The following SMCHD1 variants were observed in gnomAD, a reference collection of about 807,000 sequenced individuals.
SMCHD1 encodes the protein structural maintenance of chromosomes flexible hinge domain containing 1, also known as structural maintenance of chromosomes flexible hinge domain-containing protein 1.
A neutral mutation model predicts 254.7 loss-of-function variants in SMCHD1; 78 were observed. That is an observed-to-expected ratio of 0.31 (90% CI 0.26 to 0.37). The LOEUF is 0.37. SMCHD1 is among the 10% of genes least tolerant of loss of function. SMCHD1 has a pLI of 1.00. For missense variants in SMCHD1, 1,840 were observed against 2,408.1 expected (o/e 0.76, Z 4.94); for synonymous variants, 766 against 794.9 (o/e 0.96, Z 0.61).
rs371339816 is a variant in SMCHD1 at position 2,747,602 on chromosome 18, G to A, written c.3882G>A (p.Pro1294=). The change falls in exon 30 of 48, where the codon CCG becomes CCA. Residue 1294 remains proline, a synonymous_variant. Transcript: ENST00000320876. ...GTGATCAGTGGGATAATCCAGCACCGGTACAACATGTTAAAATAAGTCTTA... is the reference window on the plus strand; with the variant it reads ...GTGATCAGTGGGATAATCCAGCACCAGTACAACATGTTAAAATAAGTCTTA... The part of the protein sequence containing the change: ...QLCDQWDNPA[P]VQHVKISLTK... The A allele has an allele frequency of 2.9e-5, 47 of 1,606,570 alleles. No individual in the cohort carries two copies. Among genetic ancestry groups the A allele is most frequent in the African/African-American group, 2.7e-4 (20 of 74,804 alleles).
Position 2,796,490 on chromosome 18 carries a change from A to C in SMCHD1, c.5962A>C (p.Arg1988=). 1.2e-6 allele frequency: 2 copies of C among 1,602,900 alleles called. No homozygotes were observed. The highest frequency in any genetic ancestry group is 1.7e-6 in the Non-Finnish European group (2 of 1,174,382). ...GACAGATTGTCCAGTTCCTCCTAAA[A>C]GAATGAGACGAGAAGCTACAAGACA... The part of the protein sequence containing the change: ...ETTDCPVPPK[R]MRREATRQNR... Residue 1988 remains arginine (R), a synonymous_variant, in exon 47 of 48, where the codon AGA becomes CGA. Transcript: ENST00000320876.
chr18:2,762,492 C>CTTTTT (rs10708453), intron 36 of SMCHD1, among the ~76,000 whole-genome samples: 5 of 126,838 alleles, frequency 3.9e-5, no homozygotes, highest in African/African-American at 8.6e-5. Context: ...ATCTGCCTAC[C>CTTTTT]TTTTTTTTTT....
chr18:2,770,154 A>G (rs759638350), intron 39 of SMCHD1, 46 bp downstream of exon 39: 2 of 1,576,656 alleles, frequency 1.3e-6, no homozygotes, highest in Admixed American at 1.9e-5. Flanking sequence ...TTGGGGAATG[A>G]TGAGGCAGGT....
chr18:2,682,521 T>C (rs760995502), intron 5 of SMCHD1, among the ~76,000 whole-genome samples: 3 of 152,086 alleles, frequency 2.0e-5, no homozygotes, highest in African/African-American at 4.8e-5. Flanking sequence ...GAGGTTTCAC[T>C]ATGTTGGCCA....
chr18:2,718,140 C>G lies in SMCHD1; in HGVS notation c.2261-18C>G, dbSNP rs759283996. Reference sequence around the variant, plus strand: ...TGAATTTCTCAAGACACTATTGTTTCTTTTTTCTTTTATTAAGCTTCAAGT... The same window carrying G: ...TGAATTTCTCAAGACACTATTGTTTGTTTTTTCTTTTATTAAGCTTCAAGT... On this transcript the variant is annotated intron_variant, in intron 17 of 47. Transcript: ENST00000320876. This position sits in a 1 kb window ranked among gnomAD's most constrained non-coding sequence, Gnocchi z 4.6. 89 of 1,577,912 alleles carry G rather than the reference C, an allele frequency of 5.6e-5. No homozygotes were observed. Among genetic ancestry groups the G allele is most frequent in the Non-Finnish European group, 7.4e-5 (85 of 1,155,400 alleles).
chr18:2,712,828 A>G (rs1172867860), intron 17 of SMCHD1, among the ~76,000 whole-genome samples: 2 of 152,148 alleles, frequency 1.3e-5, no homozygotes, highest in African/African-American at 4.8e-5. Flanking sequence ...CACCTGTTTT[A>G]TATTATTTCA....
Position 2,797,385 on chromosome 18 carries a change from G to A in SMCHD1, c.5993+864G>A, listed in dbSNP as rs78766861. On this transcript the variant is annotated intron_variant, in intron 47 of 47. Coordinates refer to ENST00000320876, the MANE Select transcript of SMCHD1 (RefSeq NM_015295.3). ...TGTTTCTCTTTTATTATTTCAAAAG[G>A]TTTAATTGTAGACTCTACCTGAATA... 7.2e-3 allele frequency among the ~76,000 whole-genome samples: 1,090 copies of A among 152,252 alleles called. 14 individuals carry two copies. The highest frequency in any genetic ancestry group is 0.021 in the African/African-American group (869 of 41,532).
At chr18:2,699,996 A>G (rs2074366415) in intron 10 of SMCHD1, among the ~76,000 whole-genome samples, 1 of 152,232 alleles carries the variant, frequency 6.6e-6, no homozygotes, top group Non-Finnish European at 1.5e-5. Flanking sequence ...AATGCTCTTG[A>G]TGCATAGTAA....
intron 23 of SMCHD1, 42 bp downstream of exon 23, chr18:2,728,638 T>C: frequency 2.5e-6 from 4 of 1,587,480 alleles, no homozygotes; most frequent in Non-Finnish European, 3.4e-6. Context: ...CCCATTGTAG[T>C]AAGTGGCAAT....
chr18:2,701,970 A>G (rs967526989), intron 12 of SMCHD1, among the ~76,000 whole-genome samples: 3 of 152,050 alleles, frequency 2.0e-5, no homozygotes, highest in African/African-American at 7.2e-5. Context: ...GACACTTTTA[A>G]GAATTATACA....
At chr18:2,729,641 A>C (rs1478961894) in intron 24 of SMCHD1, among the ~76,000 whole-genome samples, 1 of 152,022 alleles carries the variant, frequency 6.6e-6, no homozygotes, top group Non-Finnish European at 1.5e-5. Context: ...TAGTGTCTAT[A>C]ACTATTATTG....
chr18:2,803,968 C>T lies in SMCHD1; in HGVS notation c.*1416C>T, dbSNP rs2076407607. On this transcript the variant is annotated 3_prime_UTR_variant, in exon 48 of 48. Transcript: ENST00000320876. Reference sequence around the variant, plus strand: ...ATTGGAAATGCTTCAATGAGCATTTCCCTTATGTGTCATATCTGCGCTCAA... The same window carrying T: ...ATTGGAAATGCTTCAATGAGCATTTTCCTTATGTGTCATATCTGCGCTCAA... 6.6e-6 allele frequency: 1 copy of T among 152,128 alleles called. No individual in the cohort carries two copies. Among genetic ancestry groups the T allele is most frequent in the African/African-American group, 2.4e-5 (1 of 41,430 alleles). 9.4% of individuals were successfully genotyped at this position (152,128 alleles called of 1,614,324 possible).
chr18:2,777,111 G>T (rs2076081672), intron 42 of SMCHD1, among the ~76,000 whole-genome samples: 1 of 146,478 alleles, frequency 6.8e-6, no homozygotes, highest in East Asian at 2.1e-4. Context: ...TTTTTCTCCA[G>T]GAGGGCTTCT....
intron 34 of SMCHD1, among the ~76,000 whole-genome samples, chr18:2,757,239 G>T (rs2075698878): frequency 6.6e-6 from 1 of 152,042 alleles, no homozygotes; most frequent in Admixed American, 6.6e-5. Context: ...GAACCAGAGT[G>T]TCGCTCTTTC....
At chr18:2,752,659 T>G in intron 34 of SMCHD1, 107 bp downstream of exon 34, 1 of 685,242 alleles carries the variant, frequency 1.5e-6, no homozygotes, top group East Asian at 3.0e-5. Flanking sequence ...TATGATCAAA[T>G]AGAAATGTTA....
At chr18:2,671,359 A>C (rs2073594789) in intron 3 of SMCHD1, among the ~76,000 whole-genome samples, 1 of 152,174 alleles carries the variant, frequency 6.6e-6, no homozygotes, top group South Asian at 2.1e-4. Context: ...TCATGCCATC[A>C]TTATGAAATG....
chr18:2,787,449 T>G (rs1177561408), intron 45 of SMCHD1, among the ~76,000 whole-genome samples: 5 of 152,130 alleles, frequency 3.3e-5, no homozygotes, highest in Non-Finnish European at 7.4e-5. Context: ...AATTAGTAGT[T>G]GAGAAAGGTG....
intron 45 of SMCHD1, among the ~76,000 whole-genome samples, chr18:2,791,991 T>G (rs1416592310): frequency 6.6e-6 from 1 of 152,184 alleles, no homozygotes; most frequent in African/African-American, 2.4e-5. Flanking sequence ...AATAAATCAT[T>G]TCCAAAATAT....
At chr18:2,689,396 G>A (rs2509463) in intron 7 of SMCHD1, among the ~76,000 whole-genome samples, 9 of 151,102 alleles carry the variant, frequency 6.0e-5, no homozygotes, top group African/African-American at 2.2e-4. Context: ...TTTTTTTGTA[G>A]TTTTGGTAGA....
Sources: gnomAD v4.1 joint callset for allele counts (sites outside exome capture counted in the v4.1 genomes callset) on GRCh38, gnomAD v4.1.1 for gene constraint, Gnocchi (gnomAD v3.1) non-coding constraint, MANE v1.5 for transcripts, NCBI Gene and HGNC (gene_info 2026-07-23, HGNC 2026-07-21) for gene names.